Variants in SRSF4 observed in about 807,000 individuals in gnomAD.
The protein encoded by SRSF4 is serine/arginine-rich splicing factor 4.
A neutral mutation model predicts 48.8 loss-of-function variants in SRSF4; 12 were observed. The ratio of observed to expected loss-of-function variants is 0.25; its 90% CI spans 0.16 to 0.40. The LOEUF is 0.40. Among genes scored for constraint, SRSF4 ranks in the 10% least tolerant of loss-of-function variants. The pLI is 1.00. For synonymous variants in SRSF4, 248 were observed against 232.5 expected (o/e 1.07, Z -0.61); for missense variants, 466 against 667.1 (o/e 0.70, Z 3.32).
chr1:29,178,795 GAC>G (rs1672910353), intron 1 of SRSF4, among the ~76,000 whole-genome samples: 1 of 152,142 alleles, frequency 6.6e-6, no homozygotes, highest in Non-Finnish European at 1.5e-5. Flanking sequence ...CTTCCTTTCA[GAC>G]TCTCCAGCGT....
rs965186111 is a variant in SRSF4 at position 29,169,294 on chromosome 1, C to T, written c.108-8777G>A. The stretch of plus-strand genomic sequence containing the variant: ...ACCTAAAACCTGCATTCTACCACCA[C>T]GTTTTAACCGCCTCCTATATACCAA... On this transcript the variant is annotated intron_variant, in intron 1 of 5. Coordinates refer to ENST00000373795, the MANE Select transcript of SRSF4 (RefSeq NM_005626.5). The T allele has an allele frequency of 3.3e-5, 5 of 152,206 alleles. No individual in the cohort carries two copies. The South Asian group carries it at 8.3e-4, about 25-fold the overall frequency. The allele number at this position is 152,206 out of a possible 1,614,324, so 9.4% of individuals were successfully genotyped here. A position where few individuals can be genotyped will look rare whatever the true frequency, so the allele number is the denominator to read the frequency against.
intron 1 of SRSF4, among the ~76,000 whole-genome samples, chr1:29,179,186 T>C (rs564914399): frequency 3.3e-5 from 5 of 152,368 alleles, no homozygotes; most frequent in East Asian, 1.9e-4. Flanking sequence ...TAAAATCTAA[T>C]AGTCGTTGTT....
chr1:29,181,567 C>T (rs1574207090), intron 1 of SRSF4, 79 bp downstream of exon 1: 15 of 1,266,310 alleles, frequency 1.2e-5, no homozygotes, highest in Non-Finnish European at 1.2e-5. Flanking sequence ...GACCAGGCGT[C>T]CCTCTCCCGT....
intron 1 of SRSF4, among the ~76,000 whole-genome samples, chr1:29,176,245 C>T (rs1328257266): frequency 2.0e-5 from 3 of 151,632 alleles, no homozygotes; most frequent in Non-Finnish European, 1.5e-5. Flanking sequence ...GAGCAAGACT[C>T]CATCTCAAAA....
At chr1:29,149,966 T>A in intron 5 of SRSF4, 137 bp downstream of exon 5, 1 of 678,694 alleles carries the variant, frequency 1.5e-6, no homozygotes, top group South Asian at 1.9e-5. Flanking sequence ...GAGGTGAGGC[T>A]GCAGTGAGCC....
chr1:29,179,547 G>A (rs1457830769), intron 1 of SRSF4, among the ~76,000 whole-genome samples: 1 of 152,020 alleles, frequency 6.6e-6, no homozygotes, highest in Non-Finnish European at 1.5e-5. Flanking sequence ...TTTTTTCTTA[G>A]AGATGGGGTC....
intron 3 of SRSF4, among the ~76,000 whole-genome samples, chr1:29,157,955 T>C (rs1280674284): frequency 2.0e-5 from 3 of 152,066 alleles, no homozygotes; most frequent in African/African-American, 7.2e-5. Flanking sequence ...GGATCACTTG[T>C]GGTCAGGAGG....
chr1:29,181,835 C>CGGCGGCGGCAACGGGCG lies in SRSF4; in HGVS notation c.-100_-84dup. The CGGCGGCGGCAACGGGCG allele has an allele frequency of 8.3e-7, 1 of 1,210,604 alleles. No homozygotes were observed. The highest frequency in any genetic ancestry group is 1.1e-6 in the Non-Finnish European group (1 of 933,200). 75.0% of individuals were successfully genotyped at this position (1,210,604 alleles called of 1,614,324 possible). A position where few individuals can be genotyped will look rare whatever the true frequency, so the allele number is the denominator to read the frequency against. ...CAAAGCGAGAGCACGGCGGCAGCGGCGGCGGCGGCAACGGGCGGGCGGCGG... is the reference window on the plus strand; with the variant it reads ...CAAAGCGAGAGCACGGCGGCAGCGGCGGCGGCGGCAACGGGCGGGCGGCGGCAACGGGCGGGCGGCGG... On this transcript the variant is annotated 5_prime_UTR_variant, in exon 1 of 6. Transcript: ENST00000373795.
chr1:29,167,541 C>T (rs1179894309), intron 1 of SRSF4, among the ~76,000 whole-genome samples: 8 of 152,220 alleles, frequency 5.3e-5, no homozygotes, highest in South Asian at 4.1e-4. Flanking sequence ...CACGCCACCA[C>T]GCCCAGCTAA....
chr1:29,178,037 T>A (rs1672895814), intron 1 of SRSF4, among the ~76,000 whole-genome samples: 1 of 149,634 alleles, frequency 6.7e-6, no homozygotes, highest in Non-Finnish European at 1.5e-5. Flanking sequence ...GGAGCTGGGA[T>A]TACAGGTGCC....
At chr1:29,168,897 G>C (rs1574198818) in intron 1 of SRSF4, 1 of 152,116 alleles carries the variant, frequency 6.6e-6, no homozygotes. Flanking sequence ...GGAGGGAAAT[G>C]GGCCAGAAAT....
intron 1 of SRSF4, 34 bp downstream of exon 1, chr1:29,181,612 C>A (rs1672959968): frequency 1.3e-6 from 2 of 1,552,184 alleles, no homozygotes; most frequent in Non-Finnish European, 8.7e-7. Flanking sequence ...GGGGTCTGTC[C>A]CCGCCCGGCC....
intron 4 of SRSF4, among the ~76,000 whole-genome samples, chr1:29,154,169 C>A (rs981632356): frequency 6.6e-6 from 1 of 152,128 alleles, no homozygotes; most frequent in Non-Finnish European, 1.5e-5. Context: ...AATTTTCAAG[C>A]AATTTTTCTG....
At position 29,147,903 on chromosome 1, in the gene SRSF4, T is replaced by C. The variant is rs185995174; in HGVS notation, c.*507A>G. ...CCAGAATATGGAACTCTACAGTTTA[T>C]TTCCTATGGGTTACTGCAGGTATCA... On this transcript the variant is annotated 3_prime_UTR_variant, in exon 6 of 6. Coordinates refer to ENST00000373795, the MANE Select transcript of SRSF4 (RefSeq NM_005626.5). 3.3e-6 allele frequency: 1 copy of C among 303,926 alleles called. No individual in the cohort carries two copies. The highest frequency in any genetic ancestry group is 7.8e-5 in the East Asian group (1 of 12,880). 18.8% of individuals were successfully genotyped at this position (303,926 alleles called of 1,614,324 possible).
chr1:29,174,267 T>A (rs947984517), intron 1 of SRSF4, among the ~76,000 whole-genome samples: 8 of 152,190 alleles, frequency 5.3e-5, no homozygotes, highest in Admixed American at 2.6e-4. Flanking sequence ...AATATTAATT[T>A]ACCGAGTAAT....
chr1:29,169,850 C>T (rs1251795070), intron 1 of SRSF4: 3 of 152,192 alleles, frequency 2.0e-5, no homozygotes, highest in Non-Finnish European at 2.9e-5. Flanking sequence ...AAACTAAATC[C>T]TCCCAGAATG....
chr1:29,171,669 C>T (rs1226690435), intron 1 of SRSF4: 1 of 152,048 alleles, frequency 6.6e-6, no homozygotes, highest in Non-Finnish European at 1.5e-5. Flanking sequence ...CTCTCAGATG[C>T]CTGGAGCACC....
At chr1:29,153,193 G>A (rs1672441751) in intron 4 of SRSF4, among the ~76,000 whole-genome samples, 1 of 152,092 alleles carries the variant, frequency 6.6e-6, no homozygotes, top group South Asian at 2.1e-4. Flanking sequence ...GTATAGTGGA[G>A]TGATCTCTGC....
At chr1:29,173,169 G>C (rs1177427939) in intron 1 of SRSF4, 1 of 106,386 alleles carries the variant, frequency 9.4e-6, no homozygotes, top group Non-Finnish European at 1.7e-5. Flanking sequence ...ACAGAGTCTT[G>C]CTCTGTCATC....
Sources: gnomAD v4.1 joint callset for allele counts (sites outside exome capture counted in the v4.1 genomes callset) on GRCh38, gnomAD v4.1.1 for gene constraint, MANE v1.5 for transcripts, NCBI Gene and HGNC (gene_info 2026-07-23, HGNC 2026-07-21) for gene names.